The following TANC2 variants were observed in gnomAD, a reference collection of about 807,000 sequenced individuals.
TANC2 encodes protein TANC2.
Under a neutral mutation model 210.5 loss-of-function variants are expected in TANC2, and 26 were observed. The ratio of observed to expected loss-of-function variants is 0.12; its 90% CI spans 0.09 to 0.17. The LOEUF (loss-of-function observed/expected upper bound fraction) is 0.17. Ranked by LOEUF, TANC2 falls within the 10% of genes least tolerant of loss-of-function variation. The pLI is 1.00. For synonymous variants in TANC2, 931 were observed against 967.1 expected (o/e 0.96, Z 0.69); for missense variants, 2,129 against 2,608.9 (o/e 0.82, Z 4.01).
intron 5 of TANC2, among the ~76,000 whole-genome samples, chr17:63,189,892 A>G (rs189742087): frequency 3.3e-4 from 51 of 152,320 alleles, no homozygotes; most frequent in Admixed American, 2.8e-3. Flanking sequence ...TTTAGCTTAT[A>G]CATTTAGGTC....
intron 16 of TANC2, 46 bp downstream of exon 16, chr17:63,388,803 A>C (rs1279559528): frequency 7.1e-7 from 1 of 1,405,502 alleles, no homozygotes; most frequent in Non-Finnish European, 9.4e-7. Context: ...ATTAACTATG[A>C]AAAAATAAAA....
chr17:63,132,269 T>C (rs1284233649), intron 4 of TANC2, among the ~76,000 whole-genome samples: 4 of 151,904 alleles, frequency 2.6e-5, no homozygotes, highest in African/African-American at 9.7e-5. Flanking sequence ...TTAAACAAAA[T>C]AATGTGATGA....
At chr17:63,405,057 G>A (rs552686371) in intron 19 of TANC2, 65 bp from the exon 20 acceptor site, 9 of 1,450,340 alleles carry the variant, frequency 6.2e-6, no homozygotes, top group Middle Eastern at 3.7e-4. Context: ...GATATGTCAC[G>A]TTTAACATGG....
chr17:63,246,078 G>A (rs1232423254), intron 8 of TANC2, among the ~76,000 whole-genome samples: 1 of 151,640 alleles, frequency 6.6e-6, no homozygotes, highest in Non-Finnish European at 1.5e-5. Flanking sequence ...CTTTTCTTTG[G>A]TATAGAAATA....
At position 63,421,191 on chromosome 17, in the gene TANC2, C is replaced by T. The variant is rs911472721; in HGVS notation, c.5461C>T (p.Arg1821Cys). The T allele has an allele frequency of 1.9e-5, 30 of 1,613,880 alleles. No individual in the cohort carries two copies. The highest frequency in any genetic ancestry group is 4.0e-5 in the African/African-American group (3 of 74,908). ...CTGTCACTCAAAACTAGATCTGGAG[C>T]GCTCCTCCAGCCAACTAGGTTCCCC... Residue 1821 changes from arginine (R) to cysteine (C), a missense_variant, in exon 28 of 28, where the codon CGC becomes TGC. Coordinates refer to ENST00000689528, the Ensembl canonical transcript of TANC2. The surrounding 1 kb of genome is among the most constrained non-coding windows in gnomAD (Gnocchi z 6.9).
intron 1 of TANC2, among the ~76,000 whole-genome samples, chr17:62,984,140 T>C (rs1015800526): frequency 1.3e-5 from 2 of 152,116 alleles, no homozygotes; most frequent in African/African-American, 4.8e-5. Context: ...TCAATTTTTC[T>C]GATTACTGAT....
chr17:63,333,902 A>G (rs2045940881), intron 11 of TANC2: 1 of 152,248 alleles, frequency 6.6e-6, no homozygotes. Context: ...TTTTAACAAT[A>G]AAGTATTTTT....
intron 11 of TANC2, among the ~76,000 whole-genome samples, chr17:63,326,211 G>T (rs2045639174): frequency 6.6e-6 from 1 of 152,154 alleles, no homozygotes; most frequent in South Asian, 2.1e-4. Context: ...AGAATAAAAA[G>T]TTCAGAATTA....
intron 9 of TANC2, among the ~76,000 whole-genome samples, chr17:63,292,349 C>T (rs902417132): frequency 6.6e-6 from 1 of 152,198 alleles, no homozygotes; most frequent in Non-Finnish European, 1.5e-5. Context: ...AGTGTCGTCA[C>T]GTTAAGCCCA....
intron 11 of TANC2, among the ~76,000 whole-genome samples, chr17:63,324,009 T>A (rs2045571194): frequency 6.6e-6 from 1 of 152,162 alleles, no homozygotes; most frequent in Non-Finnish European, 1.5e-5. Context: ...AGGAATTTAG[T>A]TTAGTGTTAT....
At chr17:62,972,161 G>T (rs1306885994) in intron 1 of TANC2, among the ~76,000 whole-genome samples, 5 of 151,952 alleles carry the variant, frequency 3.3e-5, no homozygotes, top group Non-Finnish European at 7.4e-5. Flanking sequence ...AAATTTATTA[G>T]GTCAGTTTAT....
chr17:63,087,974 C>G (rs1242579772), intron 3 of TANC2, among the ~76,000 whole-genome samples: 3 of 152,150 alleles, frequency 2.0e-5, no homozygotes, highest in Non-Finnish European at 4.4e-5. Flanking sequence ...GTGAAAACTT[C>G]TAAGCTCCTT....
At chr17:63,367,338 G>A (rs775913745) in intron 14 of TANC2, among the ~76,000 whole-genome samples, 3 of 152,160 alleles carry the variant, frequency 2.0e-5, no homozygotes, top group Non-Finnish European at 2.9e-5. Flanking sequence ...ATGTGTCCCC[G>A]GGAGGCTTTG....
intron 14 of TANC2, among the ~76,000 whole-genome samples, chr17:63,373,068 A>T (rs1451016710): frequency 6.6e-6 from 1 of 151,436 alleles, no homozygotes; most frequent in African/African-American, 2.4e-5. Flanking sequence ...CTAATTTTTT[A>T]AATTTTTTGT....
chr17:63,223,624 A>T (rs895309721), intron 7 of TANC2, among the ~76,000 whole-genome samples: 5 of 151,946 alleles, frequency 3.3e-5, no homozygotes, highest in African/African-American at 1.2e-4. Context: ...GAGTGTTAAG[A>T]CTTTTCTAGA....
chr17:63,148,007 T>C (rs1335821906), intron 4 of TANC2, among the ~76,000 whole-genome samples: 1 of 152,242 alleles, frequency 6.6e-6, no homozygotes, highest in African/African-American at 2.4e-5. Flanking sequence ...GGTACTGTTT[T>C]GAGGATTTTA....
chr17:63,204,665 CA>C (rs1173498530), intron 7 of TANC2, among the ~76,000 whole-genome samples: 1 of 151,988 alleles, frequency 6.6e-6, no homozygotes, highest in Admixed American at 6.6e-5. Flanking sequence ...TCCTAAAAGT[CA>C]TATGGAATCT....
At chr17:63,240,074 TCCAAAC>T in intron 8 of TANC2, among the ~76,000 whole-genome samples, 1 of 152,248 alleles carries the variant, frequency 6.6e-6, no homozygotes, top group East Asian at 1.9e-4. Flanking sequence ...GGGACACAGA[TCCAAAC>T]CATATCAACT....
At chr17:63,318,186 A>C (rs2045374633) in intron 10 of TANC2, among the ~76,000 whole-genome samples, 1 of 152,224 alleles carries the variant, frequency 6.6e-6, no homozygotes, top group Non-Finnish European at 1.5e-5. Context: ...TTGGCCATCA[A>C]ATAACAACTT....
Sources: gnomAD v4.1 joint callset for allele counts (sites outside exome capture counted in the v4.1 genomes callset) on GRCh38, gnomAD v4.1.1 for gene constraint, Gnocchi (gnomAD v3.1) non-coding constraint, MANE v1.5 for transcripts, NCBI Gene and HGNC (gene_info 2026-07-23, HGNC 2026-07-21) for gene names.